Variants in WNK4 observed in about 807,000 individuals in gnomAD.
WNK4 encodes the protein serine/threonine-protein kinase WNK4.
Under a neutral mutation model 116.2 loss-of-function variants are expected in WNK4, and 94 were observed. The observed-to-expected ratio is 0.81, with a 90% confidence interval of 0.68 to 0.96. The LOEUF (loss-of-function observed/expected upper bound fraction) is 0.96, where lower values mean the gene tolerates loss of function less well. WNK4 is among the 40% of genes least tolerant of loss of function. The probability of loss-of-function intolerance (pLI) is 0.00; values close to 1 mark genes in which losing one functional copy is unlikely to be tolerated. For synonymous variants in WNK4, 655 were observed against 672.7 expected (o/e 0.97, Z 0.41); for missense variants, 1,542 against 1,650.6 (o/e 0.93, Z 1.14).
In WNK4 at chr17:42,784,538, G is replaced by C. The variant is rs1319663387; in HGVS notation, c.1129G>C (p.Glu377Gln). The stretch of plus-strand genomic sequence containing the variant: ...GGCCACCTCTGAGTACCCGTACTCC[G>C]AGTGCCAGAATGCCGCGCAAATCTA... ...EMATSEYPYS[E>Q]CQNAAQIYRK... Residue 377 changes from glutamate (E) to glutamine (Q), a missense_variant, in exon 4 of 19, where the codon GAG becomes CAG. Glu to Gln is a conservative substitution (Grantham distance 29, BLOSUM62 2). This residue lies in a region of WNK4 where 808 missense variants were observed against 873.6 expected (regional missense o/e 0.92). Coordinates refer to ENST00000246914, the MANE Select transcript of WNK4 (RefSeq NM_032387.5). This position sits in a 1 kb window ranked among gnomAD's most constrained non-coding sequence, Gnocchi z 4.4. 11 of 1,614,004 alleles carry C rather than the reference G, an allele frequency of 6.8e-6. No homozygotes were observed. Among genetic ancestry groups the C allele is most frequent in the Non-Finnish European group, 9.3e-6 (11 of 1,180,016 alleles).
rs370712588 is a variant in WNK4, at chr17:42,793,619, G to C, written c.2185G>C (p.Glu729Gln). 155 of 1,613,942 alleles carry C rather than the reference G, an allele frequency of 9.6e-5. No individual in the cohort carries two copies. Among genetic ancestry groups the C allele is most frequent in the Non-Finnish European group, 1.3e-4 (149 of 1,179,992 alleles). ...MVYNEFILPS[E>Q]RDGFLRRIRE... ...ATATAACGAGTTCATTCTGCCTTCG[G>C]AGCGAGATGGATTTCTCAGACGGAT... Residue 729 changes from glutamate (E) to glutamine (Q), a missense_variant, in exon 12 of 19, where the codon GAG (glutamate) becomes CAG (glutamine). Glu to Gln is a conservative substitution (Grantham distance 29, BLOSUM62 2). Around this residue, in one of 7 missense-constraint regions of WNK4, gnomAD observed 808 missense variants for 873.6 expected, o/e 0.92. Transcript: ENST00000246914.
At chr17:42,783,630 G>C (rs1484131619) in intron 2 of WNK4, 7 of 472,252 alleles carry the variant, frequency 1.5e-5, no homozygotes, top group Non-Finnish European at 2.7e-5. Flanking sequence ...CAACACAAAA[G>C]TATTTCCTCT....
chr17:42,781,038 G>T lies in WNK4; in HGVS notation c.340G>T (p.Ala114Ser), dbSNP rs1033267727. 5.0e-6 allele frequency: 8 copies of T among 1,610,902 alleles called. No homozygotes were observed. Among genetic ancestry groups the T allele is most frequent in the Non-Finnish European group, 6.8e-6 (8 of 1,179,416 alleles). The change falls in exon 1 of 19, where the codon GCC becomes TCC. Residue 114 changes from alanine to serine, a missense_variant. Ala to Ser is a moderately conservative substitution (Grantham distance 99). This residue lies in a region of WNK4 where 243 missense variants were observed against 217.8 expected (regional missense o/e 1.12). Coordinates refer to ENST00000246914, the MANE Select transcript of WNK4 (RefSeq NM_032387.5). ...CCCCGAGGGCACGTGGACCGAGGGAGCCCCTGTGAAGGCTGCGGAAGACTC... is the reference window on the plus strand; with the variant it reads ...CCCCGAGGGCACGTGGACCGAGGGATCCCCTGTGAAGGCTGCGGAAGACTC... ...EPPEGTWTEG[A>S]PVKAAEDSAR...
chr17:42,785,791 C>G (rs1341180591), intron 6 of WNK4, among the ~76,000 whole-genome samples: 1 of 152,076 alleles, frequency 6.6e-6, no homozygotes, highest in African/African-American at 2.4e-5. Context: ...CCCCATTTTT[C>G]TTTTTCTTTT....
In WNK4 at chr17:42,781,090, C is replaced by T; in HGVS notation, c.392C>T (p.Ala131Val). 6.2e-7 allele frequency: 1 copy of T among 1,613,328 alleles called. No individual in the cohort carries two copies. Among genetic ancestry groups the T allele is most frequent in the Non-Finnish European group, 8.5e-7 (1 of 1,179,784 alleles). The change falls in exon 1 of 19, where the codon GCA (alanine) becomes GTA (valine). Residue 131 changes from alanine to valine, a missense_variant. Around this residue, in one of 7 missense-constraint regions of WNK4, gnomAD observed 243 missense variants for 217.8 expected, o/e 1.12. Transcript: ENST00000246914. ...GCGCGTCCCGAGCTCCCGGACTCTG[C>T]AGTGGGCCCGGGGTCCAGGGAGCCG... ...DSARPELPDS[A>V]VGPGSREPLR...
rs1206830142 is a variant in WNK4 at position 42,784,160 on chromosome 17, G to A, written c.1012+3G>A. 1.2e-6 allele frequency: 2 copies of A among 1,604,694 alleles called. No individual in the cohort carries two copies. The highest frequency in any genetic ancestry group is 1.7e-5 in the Admixed American group (1 of 60,004). ...CTCCTTTGCCAAGAGTGTCATCGGT[G>A]CGTCTCTCCAGGAGGGTCCATGCCA... On this transcript the variant is annotated splice_donor_region_variant and intron_variant, in intron 3 of 18. Coordinates refer to ENST00000246914, the MANE Select transcript of WNK4 (RefSeq NM_032387.5). The surrounding 1 kb of genome is among the most constrained non-coding windows in gnomAD (Gnocchi z 4.4).
At chr17:42,793,133 T>A (rs1261698041) in intron 11 of WNK4, among the ~76,000 whole-genome samples, 1 of 152,226 alleles carries the variant, frequency 6.6e-6, no homozygotes, top group Non-Finnish European at 1.5e-5. Context: ...GTATTTCTCC[T>A]TACACCACAC....
In WNK4 at chr17:42,780,950, C is replaced by T. The variant is rs770012055; in HGVS notation, c.252C>T (p.Pro84=). The T allele has an allele frequency of 6.8e-6, 11 of 1,610,354 alleles. No homozygotes were observed. Among genetic ancestry groups the T allele is most frequent in the Admixed American group, 6.7e-5 (4 of 60,014 alleles). ...SLPASPAPDP[P]DPPDSAGPGP... ...CAGCCTCACCCGCTCCGGACCCCCC[C>T]GATCCTCCGGACTCCGCTGGTCCTG... Residue 84 remains proline, a synonymous_variant, in exon 1 of 19, where the codon CCC becomes CCT. Transcript: ENST00000246914.
intron 6 of WNK4, among the ~76,000 whole-genome samples, chr17:42,786,438 G>A (rs1242237021): frequency 6.6e-6 from 1 of 152,162 alleles, no homozygotes; most frequent in Non-Finnish European, 1.5e-5. Flanking sequence ...TGTCACCCAG[G>A]CTGGAGTGCA....
rs1236574678 is a variant in WNK4, at chr17:42,793,724, C to A, written c.2290C>A (p.Pro764Thr). Residue 764 changes from proline (P) to threonine (T), a missense_variant, in exon 12 of 19, where the codon CCC (proline) becomes ACC (threonine). Coordinates refer to ENST00000246914, the MANE Select transcript of WNK4 (RefSeq NM_032387.5). Reference protein sequence around the residue: ...PMEAAEDTLSPQEEPAPLPAL... With the variant: ...PMEAAEDTLSTQEEPAPLPAL... ...GGAGGCTGCTGAAGACACCCTAAGC[C>A]CCCAGGTCAGACCCCTTGGTGGACA... 1.2e-6 allele frequency: 2 copies of A among 1,613,944 alleles called. No homozygotes were observed. The highest frequency in any genetic ancestry group is 1.3e-5 in the African/African-American group (1 of 74,894).
At position 42,784,475 on chromosome 17, in the gene WNK4, G is replaced by A. The variant is rs2054520219; in HGVS notation, c.1066G>A (p.Val356Met). 2 of 1,614,014 alleles carry A rather than the reference G, an allele frequency of 1.2e-6. No individual in the cohort carries two copies. The highest frequency in any genetic ancestry group is 1.7e-6 in the Non-Finnish European group (2 of 1,179,966). ...GTACGAGGAAAAGTACGATGAGGCC[G>A]TGGACGTGTACGCGTTCGGCATGTG... ...EMYEEKYDEA[V>M]DVYAFGMCML... The change falls in exon 4 of 19, where the codon GTG (valine) becomes ATG (methionine). Residue 356 changes from valine to methionine, a missense_variant. Physicochemically the swap from Val to Met is conservative, Grantham distance 21 (BLOSUM62 1). This residue lies in a region of WNK4 where 808 missense variants were observed against 873.6 expected (regional missense o/e 0.92). Coordinates refer to ENST00000246914, the MANE Select transcript of WNK4 (RefSeq NM_032387.5). This position sits in a 1 kb window ranked among gnomAD's most constrained non-coding sequence, Gnocchi z 4.4.
chr17:42,795,653 C>G lies in WNK4; in HGVS notation c.3051C>G (p.Phe1017Leu). The G allele has an allele frequency of 6.2e-7, 1 of 1,613,476 alleles. No individual in the cohort carries two copies. Among genetic ancestry groups the G allele is most frequent in the African/African-American group, 1.3e-5 (1 of 75,052 alleles). ...EEGKPQLVGR[F>L]QVTSSKEPAE... ...GAAAGCCGCAGCTTGTTGGGCGTTT[C>G]CAAGTGACTTCATCCAAGGAACCGG... Residue 1017 changes from phenylalanine (F) to leucine (L), a missense_variant, in exon 16 of 19, where the codon TTC becomes TTG. Coordinates refer to ENST00000246914, the MANE Select transcript of WNK4 (RefSeq NM_032387.5).
intron 1 of WNK4, 100 bp downstream of exon 1, chr17:42,781,416 T>C: frequency 6.6e-7 from 1 of 1,519,140 alleles, no homozygotes; most frequent in Non-Finnish European, 9.0e-7. Flanking sequence ...GGGAAGCATG[T>C]ATTTTTCCAG....
Position 42,797,042 on chromosome 17 carries a change from C to T in WNK4, c.*354C>T, listed in dbSNP as rs528541512. 27 of 345,674 alleles carry T rather than the reference C, an allele frequency of 7.8e-5. No individual in the cohort carries two copies. The South Asian group carries it at 1.2e-3, about 15-fold the overall frequency. The allele number at this position is 345,674 out of a possible 1,614,324, so 21.4% of individuals were successfully genotyped here. A position where few individuals can be genotyped will look rare whatever the true frequency, so the allele number is the denominator to read the frequency against. ...TATGCTCACACCACATTAGCAGCAA[C>T]CAATAAAAATGCTGGAAACAAGAAC... On this transcript the variant is annotated 3_prime_UTR_variant, in exon 19 of 19. Coordinates refer to ENST00000246914, the MANE Select transcript of WNK4 (RefSeq NM_032387.5).
At chr17:42,783,595 G>A (rs2054507804) in intron 2 of WNK4, 1 of 377,494 alleles carries the variant, frequency 2.6e-6, no homozygotes, top group South Asian at 2.6e-5. Context: ...TTTCACCTTT[G>A]AGCTCCTACT....
At chr17:42,788,527 G>A (rs1020995427) in intron 10 of WNK4, 120 bp downstream of exon 10, 7 of 1,214,810 alleles carry the variant, frequency 5.8e-6, no homozygotes, top group Admixed American at 3.4e-5. Context: ...TACTCAAGAG[G>A]CGGCCAGTCT....
At position 42,785,437 on chromosome 17, in the gene WNK4, G is replaced by A. The variant is rs2054537484; in HGVS notation, c.1431G>A (p.Leu477=). 1.3e-6 allele frequency: 2 copies of A among 1,558,500 alleles called. No homozygotes were observed. The highest frequency in any genetic ancestry group is 2.7e-5 in the African/African-American group (2 of 73,514). ...GGGACAACCAGGCCATCGAGTTCCTGTTCCAGCTGGGCCGGGACGCGGCCG... is the reference window on the plus strand; with the variant it reads ...GGGACAACCAGGCCATCGAGTTCCTATTCCAGCTGGGCCGGGACGCGGCCG... The part of the protein sequence containing the change: ...RPRDNQAIEF[L]FQLGRDAAEE... The change falls in exon 6 of 19, where the codon CTG becomes CTA. Residue 477 remains leucine (L), a synonymous_variant. Coordinates refer to ENST00000246914, the MANE Select transcript of WNK4 (RefSeq NM_032387.5).
At chr17:42,790,965 CTCTT>C (rs909531504) in intron 11 of WNK4, among the ~76,000 whole-genome samples, 1 of 152,208 alleles carries the variant, frequency 6.6e-6, no homozygotes, top group Non-Finnish European at 1.5e-5. Flanking sequence ...AACCACTTGA[CTCTT>C]TCAGAGTCTT....
intron 6 of WNK4, 135 bp downstream of exon 6, chr17:42,785,617 G>GCA (rs2054540263): frequency 8.8e-7 from 1 of 1,130,078 alleles, no homozygotes; most frequent in Non-Finnish European, 1.3e-6. Context: ...AAAATCTCCT[G>GCA]CAGCGTCTCC....
Sources: allele counts gnomAD v4.1 joint callset (sites outside exome capture counted in the v4.1 genomes callset), GRCh38; gene constraint gnomAD v4.1.1; regional missense constraint gnomAD v4.1.1; non-coding constraint Gnocchi (gnomAD v3.1); transcripts MANE v1.5; gene names NCBI Gene and HGNC (gene_info 2026-07-23, HGNC 2026-07-21).